Variants in CDCA5 observed in about 807,000 individuals in gnomAD.
CDCA5 encodes the protein cell division cycle associated 5.
CDCA5 carries 14 observed loss-of-function variants against 25.7 expected under a neutral mutation model. The observed-to-expected ratio is 0.54, with a 90% CI of 0.36 to 0.85. CDCA5 has a LOEUF of 0.85. Ranked by LOEUF, CDCA5 falls within the 40% of genes least tolerant of loss-of-function variation. CDCA5 has a pLI of 0.01. For missense variants in CDCA5, 307 were observed against 324.5 expected, an observed-to-expected ratio of 0.95 and a Z score of 0.41; for synonymous variants, 127 against 128.7, an observed-to-expected ratio of 0.99 and a Z score of 0.09.
At position 65,079,773 on chromosome 11, in the gene CDCA5, C is replaced by T; in HGVS notation, c.258G>A (p.Leu86=). The T allele has an allele frequency of 2.0e-6, 3 of 1,474,908 alleles. No individual in the cohort carries two copies. The African/African-American group carries it at 4.3e-5, about 21-fold the overall frequency. The allele number at this position is 1,474,908 out of a possible 1,614,324, so 91.4% of individuals were successfully genotyped here. The change falls in exon 5 of 6, where the codon TTG becomes TTA. Residue 86 remains leucine, a synonymous_variant. Transcript: ENST00000275517. Reference sequence around the variant, plus strand: ...TGCCAGGGGGCTCGTTTTCTTTCTCCAAGAAAAAGGAAATCTGCACCAGGA... The same window carrying T: ...TGCCAGGGGGCTCGTTTTCTTTCTCTAAGAAAAAGGAAATCTGCACCAGGA... ...PRRSPRISFF[L]EKENEPPGRE...
In CDCA5 at chr11:65,077,659, GCGGTT is replaced by G; in HGVS notation, c.*1443_*1447del. 1 of 985,478 alleles carries G rather than the reference GCGGTT, an allele frequency of 1.0e-6. No homozygotes were observed. The highest frequency in any genetic ancestry group is 1.2e-6 in the Non-Finnish European group (1 of 829,968). The allele number at this position is 985,478 out of a possible 1,614,324, so 61.0% of individuals were successfully genotyped here. A position where few individuals can be genotyped will look rare whatever the true frequency, so the allele number is the denominator to read the frequency against. On this transcript the variant is annotated 3_prime_UTR_variant, in exon 6 of 6. Coordinates refer to ENST00000275517, the MANE Select transcript of CDCA5 (RefSeq NM_080668.4). Reference sequence around the variant, plus strand: ...CCAGTGAGGACAAGAGTTCTTCAGTGCGGTTCAGCTCAAGGACACCTAGGCTTCCC... The same window carrying G: ...CCAGTGAGGACAAGAGTTCTTCAGTGCAGCTCAAGGACACCTAGGCTTCCC...
chr11:65,068,175 C>G, intron 2 of CDCA5: 1 of 1,121,258 alleles, frequency 8.9e-7, no homozygotes, highest in South Asian at 1.3e-5. Context: ...CACCCAAGAG[C>G]CTGGGTCCTC....
chr11:65,061,139 C>T, the CDCA5 span, among the ~76,000 whole-genome samples: 4 of 152,298 alleles, frequency 2.6e-5, no homozygotes, highest in East Asian at 7.7e-4. Context: ...CACCCTTGCC[C>T]CTGGATGTGC....
In CDCA5 at chr11:65,067,698, G is replaced by A. The variant is rs866861777; in HGVS notation, c.325C>T (p.Arg109Trp). ...AACTGCCTGATCTCCTTTGAGGTCC[G>A]CTGGGGGCCCCAGTCCTCCTGATCT... The change falls in exon 4 of 7, where the codon CGG becomes TGG. Residue 109 changes from arginine to tryptophan, a missense_variant. Physicochemically the swap from Arg to Trp is moderately radical, Grantham distance 101. Coordinates refer to the CDCA5 transcript ENST00000525464. 70 of 1,289,768 alleles carry A rather than the reference G, an allele frequency of 5.4e-5. No individual in the cohort carries two copies. In the African/African-American group the frequency reaches 8.3e-4, roughly 15 times the overall value. 79.9% of individuals were successfully genotyped at this position (1,289,768 alleles called of 1,614,324 possible).
intron 4 of CDCA5, among the ~76,000 whole-genome samples, chr11:65,080,015 C>G (rs995897900): frequency 4.6e-5 from 7 of 151,780 alleles, no homozygotes; most frequent in Non-Finnish European, 1.0e-4. Flanking sequence ...CTCAGCCTTC[C>G]GAGTAGCTGG....
chr11:65,083,983 T>C lies in CDCA5; in HGVS notation c.-5A>G, dbSNP rs1157194451. On this transcript the variant is annotated 5_prime_UTR_variant, in exon 1 of 6. Coordinates refer to ENST00000275517, the MANE Select transcript of CDCA5 (RefSeq NM_080668.4). Reference sequence around the variant, plus strand: ...CCGCGTTCGCCTCCCAGACATAACTTAGGCTCCGTCTCGAGCTCCTCCAGC... The same window carrying C: ...CCGCGTTCGCCTCCCAGACATAACTCAGGCTCCGTCTCGAGCTCCTCCAGC... The C allele has an allele frequency of 7.1e-7, 1 of 1,402,236 alleles. No homozygotes were observed. Among genetic ancestry groups the C allele is most frequent in the Admixed American group, 2.4e-5 (1 of 42,192 alleles). The allele number at this position is 1,402,236 out of a possible 1,614,324, so 86.9% of individuals were successfully genotyped here. A position where few individuals can be genotyped will look rare whatever the true frequency, so the allele number is the denominator to read the frequency against.
intron 4 of CDCA5, 75 bp from the exon 5 acceptor site, chr11:65,079,862 T>A: frequency 8.1e-7 from 1 of 1,232,622 alleles, no homozygotes; most frequent in Non-Finnish European, 1.1e-6. Flanking sequence ...CCGAGAAGAT[T>A]CAGGGTGGAA....
chr11:65,070,133 AGGGCCT>A (rs1172989486), intron 1 of CDCA5, among the ~76,000 whole-genome samples: 1 of 152,254 alleles, frequency 6.6e-6, no homozygotes, highest in Non-Finnish European at 1.5e-5. Context: ...GGCCCAAGAC[AGGGCCT>A]GGGCTGTAGC....
At chr11:65,063,096 G>A (rs1947200544), downstream of CDCA5, among the ~76,000 whole-genome samples, 1 of 152,212 alleles carries the variant, frequency 6.6e-6, no homozygotes, top group African/African-American at 2.4e-5. Flanking sequence ...AATAAGAGAT[G>A]TAAAAGGTGG....
At chr11:65,062,901 G>A (rs780744281), downstream of CDCA5, among the ~76,000 whole-genome samples, 1 of 152,090 alleles carries the variant, frequency 6.6e-6, no homozygotes, top group African/African-American at 2.4e-5. Context: ...CTCCCAGAGC[G>A]TAAGTTCTAC....
chr11:65,079,890 A>G (rs1590798529), intron 4 of CDCA5, 103 bp from the exon 5 acceptor site: 3 of 776,920 alleles, frequency 3.9e-6, no homozygotes, highest in African/African-American at 4.1e-5. Flanking sequence ...CAGGACACAC[A>G]CTTTTTTTTT....
intron 2 of CDCA5, chr11:65,068,147 G>A: frequency 8.0e-7 from 1 of 1,254,822 alleles, no homozygotes; most frequent in South Asian, 1.2e-5. Flanking sequence ...AAGGTGACTG[G>A]AGAGGGTCAC....
At chr11:65,068,857 C>T (rs936511852) in intron 1 of CDCA5, among the ~76,000 whole-genome samples, 1 of 152,216 alleles carries the variant, frequency 6.6e-6, no homozygotes, top group African/African-American at 2.4e-5. Flanking sequence ...GATATACTTA[C>T]ACTAAAAAAC....
downstream of CDCA5, among the ~76,000 whole-genome samples, chr11:65,075,110 C>T (rs892637050): frequency 3.4e-5 from 5 of 149,240 alleles, no homozygotes; most frequent in African/African-American, 4.9e-5. Context: ...GAAATAGGCC[C>T]GGCGTGCCAG....
In CDCA5 at chr11:65,079,448, A is replaced by G. The variant is rs1027807778; in HGVS notation, c.583T>C (p.Cys195Arg). The change falls in exon 5 of 6, where the codon TGT becomes CGT. Residue 195 changes from cysteine to arginine, a missense_variant. Cys to Arg is a radical substitution (Grantham distance 180). Coordinates refer to ENST00000275517, the MANE Select transcript of CDCA5 (RefSeq NM_080668.4). ...ATGTCTGGGGCCCAGGGCTTTGCAC[A>G]AACCCTGGGGACCTCGGTGAGTTTG... is the stretch of plus-strand genomic sequence containing the variant. ...CSKLTEVPRV[C>R]AKPWAPDMTL... is the part of the protein sequence containing the mutation. 1 of 1,614,014 alleles carries G rather than the reference A, an allele frequency of 6.2e-7. No homozygotes were observed. The highest frequency in any genetic ancestry group is 2.2e-5 in the East Asian group (1 of 44,854).
At chr11:65,066,030 G>A (rs572822365), downstream of CDCA5, among the ~76,000 whole-genome samples, 7 of 152,180 alleles carry the variant, frequency 4.6e-5, no homozygotes, top group African/African-American at 7.2e-5. Flanking sequence ...GAGGGACTGC[G>A]GCCCCTTTCT....
At chr11:65,075,062 C>CAAA (rs56076033), downstream of CDCA5, among the ~76,000 whole-genome samples, 10 of 66,164 alleles carry the variant, frequency 1.5e-4, 1 homozygote, top group Non-Finnish European at 2.4e-4. Context: ...AACTCCGTCT[C>CAAA]AAAAAAAAAA....
intron 4 of CDCA5, 135 bp from the exon 5 acceptor site, chr11:65,079,922 GCT>G (rs1947531016): frequency 1.7e-6 from 1 of 604,158 alleles, no homozygotes; most frequent in Non-Finnish European, 2.6e-6. Context: ...ACGGAGTCTT[GCT>G]CTCTCGCCCA....
intron 1 of CDCA5, among the ~76,000 whole-genome samples, chr11:65,071,143 C>T (rs924734092): frequency 1.9e-4 from 29 of 151,616 alleles, no homozygotes; most frequent in African/African-American, 2.7e-4. Context: ...GGGGTTTCAC[C>T]GTGTTAGCCA....
Sources: allele counts gnomAD v4.1 joint callset (sites outside exome capture counted in the v4.1 genomes callset), GRCh38; gene constraint gnomAD v4.1.1; transcripts MANE v1.5; gene names NCBI Gene and HGNC (gene_info 2026-07-23, HGNC 2026-07-21).